The following TMEM132D variants were observed in gnomAD, a reference collection of about 807,000 sequenced individuals.
TMEM132D encodes mature OL transmembrane protein.
TMEM132D carries 21 observed loss-of-function variants against 62.3 expected under a neutral mutation model. The observed-to-expected ratio is 0.34, with a 90% confidence interval of 0.24 to 0.49. TMEM132D has a LOEUF of 0.49. TMEM132D is among the 20% of genes least tolerant of loss of function. The pLI is 0.99. For synonymous variants in TMEM132D, 621 were observed against 575.6 expected (o/e 1.08, Z -1.13); for missense variants, 1,346 against 1,402.8 (o/e 0.96, Z 0.65).
intron 3 of TMEM132D, among the ~76,000 whole-genome samples, chr12:129,446,955 C>A (rs1030742768): frequency 3.3e-5 from 5 of 152,144 alleles, no homozygotes; most frequent in Admixed American, 2.0e-4. Context: ...CAGCAAAGTC[C>A]CCAAGCGGAC....
At chr12:129,226,937 G>A (rs1029826738) in intron 4 of TMEM132D, among the ~76,000 whole-genome samples, 1 of 152,174 alleles carries the variant, frequency 6.6e-6, no homozygotes, top group East Asian at 1.9e-4. Flanking sequence ...GAAATCTCCT[G>A]TATCACAAAA....
At chr12:129,201,532 AT>A (rs1405597409) in intron 5 of TMEM132D, among the ~76,000 whole-genome samples, 1 of 152,218 alleles carries the variant, frequency 6.6e-6, no homozygotes, top group Non-Finnish European at 1.5e-5. Context: ...GACAACCAGT[AT>A]GTTTGGATCC....
intron 4 of TMEM132D, among the ~76,000 whole-genome samples, chr12:129,279,745 A>C (rs1253900201): frequency 1.3e-5 from 2 of 152,174 alleles, no homozygotes; most frequent in Admixed American, 6.5e-5. Flanking sequence ...TCCCCCCAGC[A>C]CTGCTGCACA....
chr12:129,758,234 C>T (rs996837415), intron 1 of TMEM132D, among the ~76,000 whole-genome samples: 1 of 151,988 alleles, frequency 6.6e-6, no homozygotes, highest in Non-Finnish European at 1.5e-5. Flanking sequence ...TTAAGTGACA[C>T]CACTCTTCCT....
chr12:129,525,466 T>C (rs1005323975), intron 3 of TMEM132D, among the ~76,000 whole-genome samples: 9 of 152,110 alleles, frequency 5.9e-5, no homozygotes, highest in Non-Finnish European at 1.2e-4. Context: ...CAAATTTAAA[T>C]TTAGACTCTG....
At chr12:129,715,964 G>A (rs549163696) in intron 1 of TMEM132D, among the ~76,000 whole-genome samples, 1 of 152,230 alleles carries the variant, frequency 6.6e-6, no homozygotes, top group Non-Finnish European at 1.5e-5. Flanking sequence ...ACGCAGAGAG[G>A]GTCACGAGGC....
intron 4 of TMEM132D, among the ~76,000 whole-genome samples, chr12:129,321,168 A>G (rs994463394): frequency 1.3e-5 from 2 of 152,314 alleles, no homozygotes. Flanking sequence ...AGAGAAGATA[A>G]ATGAAAGCTA....
intron 1 of TMEM132D, among the ~76,000 whole-genome samples, chr12:129,702,604 T>C (rs1881408796): frequency 6.6e-6 from 1 of 152,218 alleles, no homozygotes; most frequent in South Asian, 2.1e-4. Flanking sequence ...TTCTGGGTTA[T>C]GGTCTCCATC....
chr12:129,157,266 C>G (rs1877275244), intron 5 of TMEM132D, among the ~76,000 whole-genome samples: 1 of 152,228 alleles, frequency 6.6e-6, no homozygotes, highest in Non-Finnish European at 1.5e-5. Flanking sequence ...CCCTCATGAC[C>G]TAATCACCTC....
chr12:129,514,041 G>A (rs532361700), intron 3 of TMEM132D, among the ~76,000 whole-genome samples: 1 of 149,866 alleles, frequency 6.7e-6, no homozygotes, highest in African/African-American at 2.5e-5. Context: ...GGGTTTCACT[G>A]TGTCAGCCAG....
chr12:129,811,335 C>T (rs977810438), intron 1 of TMEM132D, among the ~76,000 whole-genome samples: 2 of 151,624 alleles, frequency 1.3e-5, no homozygotes. Context: ...TGGAGGCTCA[C>T]ACCCAGCAGA....
intron 2 of TMEM132D, among the ~76,000 whole-genome samples, chr12:129,537,292 T>C (rs1205870844): frequency 2.0e-5 from 3 of 152,172 alleles, no homozygotes; most frequent in Non-Finnish European, 2.9e-5. Flanking sequence ...ATTTTAAACC[T>C]TGAGACTAAA....
chr12:129,689,273 C>T (rs1447641464), intron 2 of TMEM132D, among the ~76,000 whole-genome samples: 3 of 152,150 alleles, frequency 2.0e-5, no homozygotes, highest in African/African-American at 7.2e-5. Flanking sequence ...TACTTAAAAG[C>T]TCCTGCTTCT....
intron 5 of TMEM132D, among the ~76,000 whole-genome samples, chr12:129,118,015 G>C (rs1177943552): frequency 6.6e-6 from 1 of 152,134 alleles, no homozygotes; most frequent in African/African-American, 2.4e-5. Context: ...AGTCACTGTT[G>C]CTACTGGTAT....
chr12:129,112,295 GAAC>G (rs1875733442), intron 5 of TMEM132D, among the ~76,000 whole-genome samples: 1 of 152,162 alleles, frequency 6.6e-6, no homozygotes, highest in East Asian at 1.9e-4. Context: ...GCCCATGTAG[GAAC>G]CAGGGTTTAC....
At chr12:129,797,827 G>A (rs1329582935) in intron 1 of TMEM132D, among the ~76,000 whole-genome samples, 1 of 151,066 alleles carries the variant, frequency 6.6e-6, no homozygotes, top group East Asian at 2.0e-4. Context: ...AAATGAAGCT[G>A]GAGACAGGAG....
chr12:129,878,568 T>G (rs563555314), intron 1 of TMEM132D, among the ~76,000 whole-genome samples: 9 of 132,894 alleles, frequency 6.8e-5, no homozygotes, highest in African/African-American at 2.2e-4. Context: ...CCCAAGTGTC[T>G]GCTGCAGATT....
chr12:129,474,693 C>T (rs1337851997), intron 3 of TMEM132D, among the ~76,000 whole-genome samples: 4 of 152,172 alleles, frequency 2.6e-5, no homozygotes, highest in Non-Finnish European at 4.4e-5. Flanking sequence ...TAGGCTACAG[C>T]GTGGGTGAAC....
At chr12:129,539,812 T>C (rs1876535498) in intron 2 of TMEM132D, among the ~76,000 whole-genome samples, 1 of 152,224 alleles carries the variant, frequency 6.6e-6, no homozygotes, top group Non-Finnish European at 1.5e-5. Flanking sequence ...CAGATCACCC[T>C]GGTCTCTTTT....
Sources: allele counts gnomAD v4.1 joint callset (sites outside exome capture counted in the v4.1 genomes callset), GRCh38; gene constraint gnomAD v4.1.1; transcripts MANE v1.5; gene names NCBI Gene and HGNC (gene_info 2026-07-23, HGNC 2026-07-21).